The following DNAJB6 variants were observed in gnomAD, a reference collection of about 807,000 sequenced individuals.
DNAJB6 encodes DnaJ heat shock protein family (Hsp40) member B6, also known as dnaJ homolog subfamily B member 6.
A neutral mutation model predicts 42.7 loss-of-function variants in DNAJB6; 16 were observed. The observed-to-expected ratio is 0.37, with a 90% CI of 0.25 to 0.57. DNAJB6 has a LOEUF of 0.57. Among genes scored for constraint, DNAJB6 ranks in the 20% least tolerant of loss-of-function variants. The pLI is 0.74. For missense variants in DNAJB6, 347 were observed against 416.8 expected (o/e 0.83, Z 1.46); for synonymous variants, 170 against 163.5 (o/e 1.04, Z -0.30).
At chr7:157,389,157 A>G (rs1376123148) in intron 8 of DNAJB6, among the ~76,000 whole-genome samples, 1 of 152,260 alleles carries the variant, frequency 6.6e-6, no homozygotes, top group African/African-American at 2.4e-5. Context: ...TTGTCTTTCC[A>G]ATCAATTTTA....
intron 5 of DNAJB6, among the ~76,000 whole-genome samples, chr7:157,370,508 T>G (rs2117019955): frequency 6.6e-6 from 1 of 152,336 alleles, no homozygotes; most frequent in East Asian, 1.9e-4. Context: ...TTGTAGCTAA[T>G]TTTTGTTTTC....
At chr7:157,369,665 C>G (rs1450512298) in intron 5 of DNAJB6, among the ~76,000 whole-genome samples, 1 of 150,040 alleles carries the variant, frequency 6.7e-6, no homozygotes, top group Non-Finnish European at 1.5e-5. Flanking sequence ...TAAACAGGCC[C>G]CTTCTTAACA....
chr7:157,353,964 T>C (rs76158387), intron 1 of DNAJB6, among the ~76,000 whole-genome samples: 7,652 of 151,716 alleles, frequency 0.05, 301 homozygotes, highest in Admixed American at 0.073. Flanking sequence ...GCGCCTGGCC[T>C]GAGTCTGTGA....
intron 5 of DNAJB6, among the ~76,000 whole-genome samples, chr7:157,371,047 T>C (rs1800184396): frequency 6.6e-6 from 1 of 152,150 alleles, no homozygotes; most frequent in African/African-American, 2.4e-5. Context: ...TCCTATCAGC[T>C]CAGTGGCAGC....
At chr7:157,347,014 C>G (rs1421093141) in intron 1 of DNAJB6, among the ~76,000 whole-genome samples, 1 of 152,186 alleles carries the variant, frequency 6.6e-6, no homozygotes, top group Non-Finnish European at 1.5e-5. Context: ...CGCCACCACG[C>G]CCGGCTAATT....
At chr7:157,376,476 T>G (rs1364147449) in intron 5 of DNAJB6, among the ~76,000 whole-genome samples, 1 of 152,130 alleles carries the variant, frequency 6.6e-6, no homozygotes, top group Non-Finnish European at 1.5e-5. Context: ...CTGTAAAATA[T>G]TTGAAGAGAT....
intron 8 of DNAJB6, among the ~76,000 whole-genome samples, chr7:157,391,499 G>A (rs947035733): frequency 6.6e-6 from 1 of 152,176 alleles, no homozygotes; most frequent in Non-Finnish European, 1.5e-5. Flanking sequence ...TGGCTGCTGG[G>A]GGCTGAGCCT....
At chr7:157,406,555 C>G (rs528467577) in intron 8 of DNAJB6, among the ~76,000 whole-genome samples, 2 of 152,156 alleles carry the variant, frequency 1.3e-5, no homozygotes, top group African/African-American at 2.4e-5. Flanking sequence ...GGGACCTGGC[C>G]GGGGGCGGAG....
intron 1 of DNAJB6, among the ~76,000 whole-genome samples, chr7:157,352,492 G>GAT (rs1799041231): frequency 6.6e-6 from 1 of 151,932 alleles, no homozygotes; most frequent in East Asian, 1.9e-4. Context: ...GTGGTATGAA[G>GAT]ATGGGGGTGG....
At chr7:157,389,579 G>A (rs1801238761) in intron 8 of DNAJB6, among the ~76,000 whole-genome samples, 1 of 152,162 alleles carries the variant, frequency 6.6e-6, no homozygotes, top group Non-Finnish European at 1.5e-5. Context: ...CTTTGGATAT[G>A]GTATTCCTAG....
At chr7:157,398,973 T>C (rs1432840423) in intron 8 of DNAJB6, among the ~76,000 whole-genome samples, 1 of 152,228 alleles carries the variant, frequency 6.6e-6, no homozygotes, top group African/African-American at 2.4e-5. Context: ...ATGGAAAGTT[T>C]TAAAAGGCTA....
In DNAJB6 at chr7:157,357,212, G is replaced by GT. The variant is rs1554454979; in HGVS notation, c.-26-1334dup. Reference sequence around the variant, plus strand: ...GTCTTTGTGGCTTTGTGATACTGTTGTCCTTCCTTCCTTCCTTCCTTCCTT... The same window carrying GT: ...GTCTTTGTGGCTTTGTGATACTGTTGTTCCTTCCTTCCTTCCTTCCTTCCTT... On this transcript the variant is annotated intron_variant, in intron 1 of 9. Coordinates refer to ENST00000262177, the MANE Select transcript of DNAJB6 (RefSeq NM_058246.4). Among the ~76,000 whole-genome samples the GT allele has an allele frequency of 7.9e-3, 485 of 61,758 alleles. 28 individuals carry two copies. The highest frequency in any genetic ancestry group is 0.015 in the East Asian group (21 of 1,392). The allele number at this position is 61,758 out of a possible 152,430, so 40.5% of individuals were successfully genotyped here. A position where few individuals can be genotyped will look rare whatever the true frequency, so the allele number is the denominator to read the frequency against.
intron 8 of DNAJB6, among the ~76,000 whole-genome samples, chr7:157,404,496 G>A (rs1368833969): frequency 6.7e-6 from 1 of 148,990 alleles, no homozygotes; most frequent in East Asian, 2.0e-4. Flanking sequence ...GATAGAGATG[G>A]GGTCTGTCTT....
intron 5 of DNAJB6, among the ~76,000 whole-genome samples, chr7:157,368,356 A>G (rs1346551333): frequency 6.6e-6 from 1 of 152,168 alleles, no homozygotes; most frequent in Non-Finnish European, 1.5e-5. Context: ...GCCACATCAT[A>G]TTCCTGGTAA....
intron 1 of DNAJB6, among the ~76,000 whole-genome samples, chr7:157,353,586 GGTGT>G (rs370854040): frequency 0.013 from 1,788 of 140,074 alleles, 30 homozygotes; most frequent in African/African-American, 0.037. Flanking sequence ...TCTTGACCGG[GGTGT>G]GTGTGTGTGT....
At chr7:157,354,125 A>G (rs9647678) in intron 1 of DNAJB6, among the ~76,000 whole-genome samples, 47,655 of 152,104 alleles carry the variant, frequency 0.31, 9,015 homozygotes, top group Admixed American at 0.42. Flanking sequence ...ATAATAATCT[A>G]CACATTTATT....
At chr7:157,406,874 TCC>T (rs1385408293) in intron 8 of DNAJB6, among the ~76,000 whole-genome samples, 2 of 152,014 alleles carry the variant, frequency 1.3e-5, no homozygotes, top group Non-Finnish European at 2.9e-5. Context: ...ATGCAAAACC[TCC>T]CCCAGAGCAG....
At chr7:157,379,883 C>G (rs1443318022) in intron 5 of DNAJB6, 2 of 144,856 alleles carry the variant, frequency 1.4e-5, no homozygotes, top group African/African-American at 5.3e-5. Flanking sequence ...GTGATCTTAG[C>G]TCACTGTATC....
At chr7:157,359,532 T>C (rs1799473379) in intron 2 of DNAJB6, among the ~76,000 whole-genome samples, 1 of 152,094 alleles carries the variant, frequency 6.6e-6, no homozygotes, top group African/African-American at 2.4e-5. Context: ...CATTTTAAAA[T>C]GCTAAATTAC....
Sources: gnomAD v4.1 joint callset for allele counts (sites outside exome capture counted in the v4.1 genomes callset) on GRCh38, gnomAD v4.1.1 for gene constraint, MANE v1.5 for transcripts, NCBI Gene and HGNC (gene_info 2026-07-23, HGNC 2026-07-21) for gene names.